The following RET variants were observed in gnomAD, a reference collection of about 807,000 sequenced individuals.
The protein encoded by RET is ret proto-oncogene.
RET carries 19 observed loss-of-function variants against 118.3 expected under a neutral mutation model. That is an observed-to-expected ratio of 0.16 (90% CI 0.11 to 0.24). The LOEUF is 0.24. RET is among the 10% of genes least tolerant of loss of function. The pLI is 1.00. For missense variants in RET, 1,219 were observed against 1,502.1 expected (o/e 0.81, Z 3.12); for synonymous variants, 597 against 644.1 (o/e 0.93, Z 1.11).
intron 3 of RET, among the ~76,000 whole-genome samples, chr10:43,104,277 A>G (rs562620004): frequency 7.1e-6 from 1 of 141,802 alleles, no homozygotes; most frequent in Non-Finnish European, 1.6e-5. Context: ...TATTGCTTCC[A>G]TAATTGAAAA....
intron 15 of RET, 89 bp downstream of exon 15, chr10:43,120,292 A>T: frequency 6.4e-7 from 1 of 1,553,526 alleles, no homozygotes; most frequent in Non-Finnish European, 8.8e-7. Flanking sequence ...TAGGAAAGAT[A>T]CCGAAGATTA....
At chr10:43,120,940 GAAGAA>G (rs1249972852) in intron 15 of RET, among the ~76,000 whole-genome samples, 2 of 149,436 alleles carry the variant, frequency 1.3e-5, no homozygotes, top group African/African-American at 2.5e-5. Flanking sequence ...AAAAGAAGAA[GAAGAA>G]AAAAAAAAAC....
chr10:43,112,770 A>C (rs2132811470), intron 8 of RET, 83 bp from the exon 9 acceptor site: 2 of 1,086,344 alleles, frequency 1.8e-6, no homozygotes, highest in East Asian at 5.0e-5. Context: ...TCCTCCCTAG[A>C]GGGGCAGGAT....
intron 1 of RET, among the ~76,000 whole-genome samples, chr10:43,087,806 G>A: frequency 6.6e-6 from 1 of 152,234 alleles, no homozygotes; most frequent in African/African-American, 2.4e-5. Context: ...GTTAGTGTAG[G>A]TTAAACCTGG....
intron 2 of RET, 73 bp downstream of exon 2, chr10:43,100,795 CT>C: frequency 6.7e-7 from 1 of 1,486,818 alleles, no homozygotes; most frequent in Admixed American, 2.0e-5. Context: ...ATCACAGCCG[CT>C]GACACTGAAG....
At chr10:43,093,998 C>T (rs1837466272) in intron 1 of RET, among the ~76,000 whole-genome samples, 2 of 150,426 alleles carry the variant, frequency 1.3e-5, no homozygotes, top group African/African-American at 4.9e-5. Context: ...GGTGTTTGTT[C>T]AGCATAAATG....
intron 15 of RET, 99 bp downstream of exon 15, chr10:43,120,302 A>G (rs979758608): frequency 3.3e-6 from 5 of 1,518,260 alleles, no homozygotes; most frequent in Non-Finnish European, 9.0e-7. Context: ...ACCGAAGATT[A>G]GTGGAGCTCT....
At chr10:43,111,108 G>A (rs1837908690) in intron 6 of RET, 99 bp from the exon 7 acceptor site, 5 of 1,563,798 alleles carry the variant, frequency 3.2e-6, no homozygotes, top group Non-Finnish European at 4.4e-6. Flanking sequence ...GCCCAGTTGG[G>A]GGCTGTTCCA....
At chr10:43,127,076 G>A (rs1838351740) in intron 19 of RET, 2 of 1,206,014 alleles carry the variant, frequency 1.7e-6, no homozygotes. Flanking sequence ...TAACTAAGTG[G>A]ATAAATATAC....
chr10:43,087,515 A>T (rs1040368072), intron 1 of RET, among the ~76,000 whole-genome samples: 1 of 152,228 alleles, frequency 6.6e-6, no homozygotes, highest in East Asian at 1.9e-4. Flanking sequence ...TTACAGAGAG[A>T]TGCTTAAACC....
At chr10:43,102,753 C>A in intron 3 of RET, 124 bp downstream of exon 3, 1 of 1,208,060 alleles carries the variant, frequency 8.3e-7, no homozygotes, top group Non-Finnish European at 1.2e-6. Context: ...TTCAATATTC[C>A]AGAAGTACCT....
intron 1 of RET, among the ~76,000 whole-genome samples, chr10:43,099,130 G>C (rs72781232): frequency 6.6e-6 from 1 of 152,074 alleles, no homozygotes; most frequent in Non-Finnish European, 1.5e-5. Context: ...AGCCACAGCC[G>C]AGGCTAGCAT....
intron 13 of RET, among the ~76,000 whole-genome samples, chr10:43,119,058 T>C (rs1175055988): frequency 6.6e-6 from 1 of 152,166 alleles, no homozygotes; most frequent in African/African-American, 2.4e-5. Context: ...GCAGGCACTG[T>C]GGTCGGCACC....
At chr10:43,112,778 G>A in intron 8 of RET, 75 bp from the exon 9 acceptor site, 1 of 1,176,010 alleles carries the variant, frequency 8.5e-7, no homozygotes, top group South Asian at 1.3e-5. Flanking sequence ...AGAGGGGCAG[G>A]ATCTGCCTAG....
chr10:43,109,963 C>T (rs1333452784), intron 6 of RET, among the ~76,000 whole-genome samples: 1 of 152,218 alleles, frequency 6.6e-6, no homozygotes, highest in Non-Finnish European at 1.5e-5. Flanking sequence ...TGCAGAGCAG[C>T]CCGTGGCGCC....
At chr10:43,122,602 G>A (rs975356646) in intron 16 of RET, among the ~76,000 whole-genome samples, 3 of 152,068 alleles carry the variant, frequency 2.0e-5, no homozygotes, top group African/African-American at 7.3e-5. Context: ...GGTGTGATGT[G>A]CCTCTCTTTT....
chr10:43,083,381 CAG>C (rs1477923625), intron 1 of RET, among the ~76,000 whole-genome samples: 4 of 152,254 alleles, frequency 2.6e-5, no homozygotes, highest in Admixed American at 2.0e-4. Context: ...CCCCCAGTCT[CAG>C]GGGCTTAACG....
intron 1 of RET, among the ~76,000 whole-genome samples, chr10:43,085,121 G>A (rs764225528): frequency 3.9e-5 from 6 of 152,324 alleles, no homozygotes; most frequent in Non-Finnish European, 2.9e-5. Flanking sequence ...GCCCTGAACC[G>A]AGGGTGGCAG....
At position 43,120,221 on chromosome 10, in the gene RET, T is replaced by A. The variant is rs2132965487; in HGVS notation, c.2730+18T>A. The A allele has an allele frequency of 6.2e-7, 1 of 1,611,684 alleles. No individual in the cohort carries two copies. The highest frequency in any genetic ancestry group is 8.5e-7 in the Non-Finnish European group (1 of 1,179,830). On this transcript the variant is annotated intron_variant, in intron 15 of 19. Transcript: ENST00000355710. ...GGAGCCAGGTGCCCAGTCCCGGGGA[T>A]GAGGCGGGGCTCCCAGGGATCCCAG...
Sources: gnomAD v4.1 joint callset for allele counts (sites outside exome capture counted in the v4.1 genomes callset) on GRCh38, gnomAD v4.1.1 for gene constraint, MANE v1.5 for transcripts, NCBI Gene and HGNC (gene_info 2026-07-23, HGNC 2026-07-21) for gene names.